Variants in LRP1B observed in about 807,000 individuals in gnomAD.
The protein encoded by LRP1B is LDL receptor related protein 1B, also known as low-density lipoprotein receptor-related protein 1B.
Under a neutral mutation model 556.6 loss-of-function variants are expected in LRP1B, and 217 were observed. The ratio of observed to expected loss-of-function variants is 0.39; its 90% CI spans 0.35 to 0.44. LRP1B has a LOEUF of 0.44. Among genes scored for constraint, LRP1B ranks in the 20% least tolerant of loss-of-function variants. LRP1B has a pLI of 1.00. For synonymous variants in LRP1B, 2,047 were observed against 1,865.8 expected (o/e 1.10, Z -2.50); for missense variants, 5,053 against 5,620.8 (o/e 0.90, Z 3.23).
At chr2:141,548,819 G>A (rs568958312) in intron 2 of LRP1B, among the ~76,000 whole-genome samples, 3 of 152,218 alleles carry the variant, frequency 2.0e-5, no homozygotes, top group Admixed American at 1.3e-4. Context: ...GGTTGCTTGT[G>A]TCAACAAAGA....
Position 141,665,255 on chromosome 2 carries a change from T to C in LRP1B, c.205+145024A>G, listed in dbSNP as rs147365874. On this transcript the variant is annotated intron_variant, in intron 2 of 90. Coordinates refer to ENST00000389484, the MANE Select transcript of LRP1B (RefSeq NM_018557.3). The stretch of plus-strand genomic sequence containing the variant: ...TTCATAAGAAAAAAAAACACCCTAT[T>C]AAAATGTGGTCAAAGGACATGAACA... Among the ~76,000 whole-genome samples the C allele has an allele frequency of 2.4e-4, 36 of 152,106 alleles. 1 individual carries two copies. In the East Asian group the frequency reaches 7.0e-3, roughly 29 times the overall value.
chr2:140,427,272 C>T (rs1256921781), intron 66 of LRP1B, among the ~76,000 whole-genome samples: 3 of 152,084 alleles, frequency 2.0e-5, no homozygotes, highest in Admixed American at 1.3e-4. Flanking sequence ...GGTGGCAAGT[C>T]AATTGCGAGG....
intron 25 of LRP1B, among the ~76,000 whole-genome samples, chr2:140,876,603 G>A (rs1314365386): frequency 1.3e-5 from 2 of 152,048 alleles, no homozygotes; most frequent in Non-Finnish European, 2.9e-5. Context: ...CTGACCTGGG[G>A]TGAGTAAAGA....
At chr2:141,963,161 G>A (rs1384577675) in intron 1 of LRP1B, among the ~76,000 whole-genome samples, 1 of 151,768 alleles carries the variant, frequency 6.6e-6, no homozygotes, top group African/African-American at 2.4e-5. Flanking sequence ...CTAAGCATTA[G>A]ACATGTAAAA....
chr2:140,290,595 C>T (rs893845178), intron 84 of LRP1B, among the ~76,000 whole-genome samples: 2 of 152,028 alleles, frequency 1.3e-5, no homozygotes, highest in African/African-American at 4.8e-5. Context: ...AGGCTCTGTT[C>T]GAATAATTGA....
intron 45 of LRP1B, among the ~76,000 whole-genome samples, chr2:140,539,401 G>C (rs1049041383): frequency 6.6e-6 from 1 of 152,054 alleles, no homozygotes; most frequent in Non-Finnish European, 1.5e-5. Flanking sequence ...AATGGACGTC[G>C]TCTGCCTCTA....
chr2:141,900,693 G>T (rs758916569), intron 1 of LRP1B, among the ~76,000 whole-genome samples: 47 of 151,976 alleles, frequency 3.1e-4, no homozygotes, highest in South Asian at 8.3e-4. Context: ...GCAAATTAAA[G>T]ATTCTTCAAT....
intron 2 of LRP1B, among the ~76,000 whole-genome samples, chr2:141,724,077 T>C (rs907298819): frequency 3.9e-5 from 6 of 151,920 alleles, no homozygotes; most frequent in African/African-American, 1.2e-4. Flanking sequence ...AGAAAATAAA[T>C]AGTCTGTACC....
At chr2:141,480,842 T>A (rs1358075350) in intron 2 of LRP1B, among the ~76,000 whole-genome samples, 1 of 152,208 alleles carries the variant, frequency 6.6e-6, no homozygotes, top group African/African-American at 2.4e-5. Flanking sequence ...TCATCTCATA[T>A]CCCTAGATAA....
In LRP1B at chr2:141,549,192, A is replaced by G. The variant is rs571255895; in HGVS notation, c.206-68659T>C. Among the ~76,000 whole-genome samples, 8 of 152,322 alleles carry G rather than the reference A, an allele frequency of 5.3e-5. 1 individual carries two copies. Among genetic ancestry groups the G allele is most frequent in the African/African-American group, 9.6e-5 (4 of 41,574 alleles). On this transcript the variant is annotated intron_variant, in intron 2 of 90. Transcript: ENST00000389484. ...ATCTTAATTCTATGAATTGGAAGGT[A>G]TAAGATCTGGGGCAGCAACTCTCAG... is the stretch of plus-strand genomic sequence containing the variant.
At chr2:141,051,267 C>T (rs990178083) in intron 10 of LRP1B, among the ~76,000 whole-genome samples, 8 of 151,996 alleles carry the variant, frequency 5.3e-5, no homozygotes, top group Non-Finnish European at 7.4e-5. Flanking sequence ...CTCAGCAGTC[C>T]CATTACTGGC....
intron 3 of LRP1B, among the ~76,000 whole-genome samples, chr2:141,267,312 C>G (rs1265296221): frequency 6.6e-6 from 1 of 152,168 alleles, no homozygotes; most frequent in East Asian, 1.9e-4. Flanking sequence ...GTTTCTTAAA[C>G]TATCTGAGCT....
intron 61 of LRP1B, 71 bp from the exon 62 acceptor site, chr2:140,456,674 G>A (rs1687120774): frequency 1.4e-6 from 2 of 1,386,208 alleles, no homozygotes; most frequent in Non-Finnish European, 2.0e-6. Context: ...TGGGATTAGA[G>A]ATAGGACTTT....
intron 1 of LRP1B, among the ~76,000 whole-genome samples, chr2:142,085,391 A>T (rs1705879533): frequency 6.6e-6 from 1 of 152,082 alleles, no homozygotes; most frequent in Non-Finnish European, 1.5e-5. Flanking sequence ...TCTCTACCGG[A>T]CTCTGAACTC....
intron 1 of LRP1B, among the ~76,000 whole-genome samples, chr2:142,098,296 T>C (rs1220891045): frequency 6.6e-6 from 1 of 151,822 alleles, no homozygotes; most frequent in Non-Finnish European, 1.5e-5. Flanking sequence ...GAATCTTAAA[T>C]CTTTGTTGAT....
chr2:140,774,474 C>A (rs971620964), intron 33 of LRP1B, among the ~76,000 whole-genome samples: 1 of 152,106 alleles, frequency 6.6e-6, no homozygotes, highest in East Asian at 1.9e-4. Flanking sequence ...TGTATATTTA[C>A]AGCTTAAAAC....
At chr2:140,536,832 T>G in intron 45 of LRP1B, 123 bp from the exon 46 acceptor site, 1 of 739,358 alleles carries the variant, frequency 1.4e-6, no homozygotes, top group East Asian at 2.9e-5. Context: ...AATGTACAAT[T>G]AAAGAGCAAT....
intron 35 of LRP1B, among the ~76,000 whole-genome samples, chr2:140,725,086 G>A (rs1041516527): frequency 4.6e-5 from 7 of 152,056 alleles, no homozygotes; most frequent in African/African-American, 1.2e-4. Context: ...TTTCTTTGGG[G>A]AACTAAAATC....
At chr2:140,553,422 AAC>A (rs61540618) in intron 43 of LRP1B, among the ~76,000 whole-genome samples, 178 of 148,274 alleles carry the variant, frequency 1.2e-3, no homozygotes, top group South Asian at 4.1e-3. Context: ...TTGTGCTCTT[AAC>A]ACACACACAC....
Sources: allele counts gnomAD v4.1 joint callset (sites outside exome capture counted in the v4.1 genomes callset), GRCh38; gene constraint gnomAD v4.1.1; transcripts MANE v1.5; gene names NCBI Gene and HGNC (gene_info 2026-07-23, HGNC 2026-07-21).